SH2D6: variants seen among roughly 807,000 people sequenced by gnomAD.
The protein encoded by SH2D6 is SH2 domain containing 6.
SH2D6 carries 31 observed loss-of-function variants against 30.2 expected under a neutral mutation model. The observed-to-expected ratio is 1.03, with a 90% CI of 0.77 to 1.38. SH2D6 has a LOEUF of 1.38. SH2D6 is among the 40% of genes most tolerant of loss of function. The probability of loss-of-function intolerance (pLI) is 0.00; values close to 1 mark genes in which losing one functional copy is unlikely to be tolerated. For missense variants in SH2D6, 240 were observed against 266.8 expected (o/e 0.90, Z 0.70); for synonymous variants, 93 against 104.6 (o/e 0.89, Z 0.68).
chr2:85,435,683 G>A lies in SH2D6; in HGVS notation c.750G>A (p.Val250=). 6.2e-7 allele frequency: 1 copy of A among 1,610,300 alleles called. No homozygotes were observed. Among genetic ancestry groups the A allele is most frequent in the South Asian group, 1.1e-5 (1 of 90,668 alleles). ...LHLQKDGAYT[V]RPSSGPHGSQ... is the part of the protein sequence containing the mutation. Reference sequence around the variant, plus strand: ...CTCCACAGGATGGGGCCTATACCGTGCGCCCCAGCTCAGGGCCTCATGGCT... The same window carrying A: ...CTCCACAGGATGGGGCCTATACCGTACGCCCCAGCTCAGGGCCTCATGGCT... Residue 250 remains valine (V), a synonymous_variant, in exon 22 of 24, where the codon GTG becomes GTA. Coordinates refer to ENST00000469800, the MANE Select transcript of SH2D6 (RefSeq NM_001394463.1).
At position 85,429,459 on chromosome 2, in the gene SH2D6, C is replaced by G. The variant is rs1328937740; in HGVS notation, c.-7C>G. 6.6e-6 allele frequency: 1 copy of G among 152,512 alleles called. No individual in the cohort carries two copies. The highest frequency in any genetic ancestry group is 2.4e-5 in the African/African-American group (1 of 41,436). 9.4% of individuals were successfully genotyped at this position (152,512 alleles called of 1,614,324 possible). A position where few individuals can be genotyped will look rare whatever the true frequency, so the allele number is the denominator to read the frequency against. ...CTCCAGGGAGGCAAAGCTCCTCTGC[C>G]TCTGCCATGGTAAGATGTGGTCCCG... On this transcript the variant is annotated 5_prime_UTR_variant, in exon 8 of 24. Coordinates refer to ENST00000469800, the MANE Select transcript of SH2D6 (RefSeq NM_001394463.1).
At chr2:85,431,437 C>T (rs927308226) in intron 13 of SH2D6, among the ~76,000 whole-genome samples, 169 bp downstream of exon 13, 2 of 152,192 alleles carry the variant, frequency 1.3e-5, no homozygotes, top group African/African-American at 2.4e-5. Flanking sequence ...AGAGCCCTGC[C>T]GCTGTCAGTC....
In SH2D6 at chr2:85,435,511, A is replaced by T. The variant is rs1272161573; in HGVS notation, c.732+15A>T. The T allele has an allele frequency of 5.6e-6, 9 of 1,611,474 alleles. No homozygotes were observed. Among genetic ancestry groups the T allele is most frequent in the Non-Finnish European group, 7.6e-6 (9 of 1,179,044 alleles). ...ACTTACAAAAGGTGGGCAGCCACGG[A>T]CCCCGGGTCTTCTCCAAAACCCCTT... On this transcript the variant is annotated intron_variant, in intron 21 of 23. Transcript: ENST00000469800.
intron 17 of SH2D6, 48 bp from the exon 18 acceptor site, chr2:85,434,292 G>C: frequency 1.3e-6 from 2 of 1,522,666 alleles, no homozygotes; most frequent in East Asian, 2.5e-5. Flanking sequence ...CCTTTCTCTT[G>C]AAAAACATAA....
At chr2:85,436,377 T>G (rs1482667690) in intron 22 of SH2D6, 89 bp from the exon 23 acceptor site, 2 of 918,114 alleles carry the variant, frequency 2.2e-6, no homozygotes, top group Admixed American at 2.0e-5. Context: ...ATGTCAAAAG[T>G]CCCCTTGCCA....
intron 6 of SH2D6, among the ~76,000 whole-genome samples, chr2:85,428,333 C>T (rs1157146509): frequency 6.6e-6 from 1 of 152,164 alleles, no homozygotes; most frequent in Non-Finnish European, 1.5e-5. Context: ...GGTTGAATCC[C>T]ACCTCCAACA....
intron 19 of SH2D6, chr2:85,434,808 G>A: frequency 4.1e-6 from 6 of 1,457,822 alleles, no homozygotes; most frequent in Non-Finnish European, 5.4e-6. Flanking sequence ...ATTTTCCGGT[G>A]CCTGCACCAA....
intron 5 of SH2D6, among the ~76,000 whole-genome samples, chr2:85,423,331 A>C (rs1213847870): frequency 6.6e-6 from 1 of 152,212 alleles, no homozygotes; most frequent in South Asian, 2.1e-4. Context: ...TCCCAGGTTC[A>C]AGTGATTCTC....
intron 5 of SH2D6, among the ~76,000 whole-genome samples, chr2:85,422,997 C>T (rs1687800049): frequency 1.3e-5 from 2 of 152,138 alleles, no homozygotes; most frequent in Admixed American, 1.3e-4. Flanking sequence ...AAGCAGTTCT[C>T]CTGCCTCAGC....
At chr2:85,432,983 G>T in intron 14 of SH2D6, 116 bp from the exon 15 acceptor site, 1 of 867,348 alleles carries the variant, frequency 1.2e-6, no homozygotes, top group Non-Finnish European at 1.4e-6. Flanking sequence ...AGCTGGCTCT[G>T]AGATGTCCTC....
intron 6 of SH2D6, among the ~76,000 whole-genome samples, chr2:85,427,757 G>A (rs2104893759): frequency 6.6e-6 from 1 of 152,338 alleles, no homozygotes; most frequent in Admixed American, 6.5e-5. Flanking sequence ...TCTGGATGAG[G>A]ATTTGTTATT....
chr2:85,421,432 C>T (rs1305426053), intron 2 of SH2D6: 1 of 152,226 alleles, frequency 6.6e-6, no homozygotes, highest in African/African-American at 2.4e-5. Flanking sequence ...AAGACACGGG[C>T]CTTTCAGAGA....
chr2:85,425,985 A>T (rs1053027938), intron 6 of SH2D6, among the ~76,000 whole-genome samples: 1 of 152,210 alleles, frequency 6.6e-6, no homozygotes, highest in Admixed American at 6.5e-5. Flanking sequence ...ACGAGGATTC[A>T]TGAGGCGGAG....
At chr2:85,434,909 C>T (rs2104945410) in intron 19 of SH2D6, 156 bp from the exon 20 acceptor site, 1 of 1,592,604 alleles carries the variant, frequency 6.3e-7, no homozygotes, top group East Asian at 2.2e-5. Context: ...GGCACTGGAT[C>T]TGGAGAGTGG....
At chr2:85,432,242 G>A (rs1439866571) in intron 14 of SH2D6, among the ~76,000 whole-genome samples, 1 of 145,998 alleles carries the variant, frequency 6.8e-6, no homozygotes, top group African/African-American at 2.6e-5. Context: ...TGGCTCGGCT[G>A]CTCTGATTTT....
chr2:85,420,819 T>A (rs1256859521), intron 2 of SH2D6: 1 of 152,290 alleles, frequency 6.6e-6, no homozygotes, highest in Non-Finnish European at 1.5e-5. Flanking sequence ...GCCATGCCCC[T>A]CCTCACCACC....
At chr2:85,435,517 G>C (rs1479835224) in intron 21 of SH2D6, 21 bp downstream of exon 21, 2 of 1,610,774 alleles carry the variant, frequency 1.2e-6, no homozygotes, top group Non-Finnish European at 1.7e-6. Flanking sequence ...ACGGACCCCG[G>C]GTCTTCTCCA....
chr2:85,429,152 A>G (rs1688318830), intron 7 of SH2D6, among the ~76,000 whole-genome samples: 1 of 152,240 alleles, frequency 6.6e-6, no homozygotes, highest in African/African-American at 2.4e-5. Flanking sequence ...AATGTTGTCT[A>G]TGAGTTGAGA....
rs1224146820 is a variant in SH2D6, at chr2:85,419,128, C to T, written c.-693C>T. 6.6e-6 allele frequency: 1 copy of T among 152,386 alleles called. No homozygotes were observed. Among genetic ancestry groups the T allele is most frequent in the Admixed American group, 6.5e-5 (1 of 15,278 alleles). The allele number at this position is 152,386 out of a possible 1,614,324, so 9.4% of individuals were successfully genotyped here. ...GGCCGGCAGGACTCGTGGTGAAGCC[C>T]GGGGAAGGCCTGGGTCCTCCAGGTC... is the stretch of plus-strand genomic sequence containing the variant. On this transcript the variant is annotated 5_prime_UTR_variant, in exon 2 of 24. Transcript: ENST00000469800.
Sources: allele counts gnomAD v4.1 joint callset (sites outside exome capture counted in the v4.1 genomes callset), GRCh38; gene constraint gnomAD v4.1.1; transcripts MANE v1.5; gene names NCBI Gene and HGNC (gene_info 2026-07-23, HGNC 2026-07-21).